SNX14: variants seen among roughly 807,000 people sequenced by gnomAD.
SNX14 encodes the protein sorting nexin-14.
Under a neutral mutation model 133.8 loss-of-function variants are expected in SNX14, and 93 were observed. That is an observed-to-expected ratio of 0.70 (90% CI 0.59 to 0.83). SNX14 has a LOEUF of 0.83. SNX14 is among the 40% of genes least tolerant of loss of function. The probability of loss-of-function intolerance (pLI) is 0.00; values close to 1 mark genes in which losing one functional copy is unlikely to be tolerated. For synonymous variants in SNX14, 368 were observed against 365.6 expected (o/e 1.01, Z -0.07); for missense variants, 945 against 1,094.9 (o/e 0.86, Z 1.93).
intron 7 of SNX14, among the ~76,000 whole-genome samples, chr6:85,551,975 T>C (rs1309008844): frequency 6.6e-6 from 1 of 152,090 alleles, no homozygotes; most frequent in Non-Finnish European, 1.5e-5. Context: ...CAAGTGATGC[T>C]TTTCCCTTTC....
intron 22 of SNX14, 52 bp downstream of exon 22, chr6:85,517,955 TA>T: frequency 1.3e-6 from 2 of 1,574,746 alleles, no homozygotes; most frequent in Non-Finnish European, 1.7e-6. Flanking sequence ...TATCAATATT[TA>T]AATATGTTTA....
chr6:85,553,982 A>G (rs1039856119), intron 7 of SNX14, among the ~76,000 whole-genome samples: 1 of 152,166 alleles, frequency 6.6e-6, no homozygotes, highest in Non-Finnish European at 1.5e-5. Flanking sequence ...TAAGAAATTA[A>G]AGGAAGCAGG....
At chr6:85,513,660 G>A (rs1202584642) in intron 26 of SNX14, 140 bp downstream of exon 26, 2 of 618,334 alleles carry the variant, frequency 3.2e-6, no homozygotes, top group African/African-American at 1.9e-5. Flanking sequence ...TTTAACTAGT[G>A]TGTTAATTTT....
chr6:85,540,997 T>C (rs919766917), intron 15 of SNX14, among the ~76,000 whole-genome samples: 1 of 133,890 alleles, frequency 7.5e-6, no homozygotes, highest in African/African-American at 3.1e-5. Flanking sequence ...GTTTCTTAAC[T>C]TTTTTTTTTT....
chr6:85,513,735 T>C, intron 26 of SNX14, 65 bp downstream of exon 26: 1 of 1,206,430 alleles, frequency 8.3e-7, no homozygotes. Context: ...CAATAATTAC[T>C]ATACATTGTG....
At chr6:85,562,741 G>A (rs1792140327) in intron 6 of SNX14, among the ~76,000 whole-genome samples, 1 of 151,504 alleles carries the variant, frequency 6.6e-6, no homozygotes, top group African/African-American at 2.4e-5. Context: ...AGGTGTGCAC[G>A]ATTACACCAG....
intron 22 of SNX14, 35 bp from the exon 23 acceptor site, chr6:85,517,910 T>A: frequency 6.3e-7 from 1 of 1,576,930 alleles, no homozygotes. Context: ...AAATAAAAAA[T>A]AAAGGTAATT....
chr6:85,571,181 G>A (rs1344755897), intron 4 of SNX14, among the ~76,000 whole-genome samples: 2 of 151,746 alleles, frequency 1.3e-5, no homozygotes, highest in Non-Finnish European at 2.9e-5. Flanking sequence ...GTGAAACCCC[G>A]TCTCTACTAA....
chr6:85,514,265 G>T, intron 24 of SNX14, 31 bp from the exon 25 acceptor site: 2 of 1,574,510 alleles, frequency 1.3e-6, no homozygotes, highest in South Asian at 2.4e-5. Context: ...ATACCTCATT[G>T]TTCCAGATGA....
Position 85,570,083 on chromosome 6 carries a change from A to AT in SNX14, c.417+2053dup, listed in dbSNP as rs1455613903. On this transcript the variant is annotated intron_variant, in intron 4 of 28. Transcript: ENST00000314673. ...CTCTATACTAATTCTATATACCTTA[A>AT]TTTTTTTCCATTATTGCCTGCATTA... 2.6e-5 allele frequency among the ~76,000 whole-genome samples: 4 copies of AT among 151,900 alleles called. No individual in the cohort carries two copies. In the East Asian group the frequency reaches 5.8e-4, roughly 22 times the overall value.
rs545195242 is a variant in SNX14 at position 85,584,351 on chromosome 6, C to T, written c.140+9228G>A. Among the ~76,000 whole-genome samples, 11 of 152,146 alleles carry T rather than the reference C, an allele frequency of 7.2e-5. No homozygotes were observed. The East Asian group carries it at 9.7e-4, about 13-fold the overall frequency. ...GACACAGGCATGGGCAAAGACTTCA[C>T]GACTAAAACACCAAAAGCAATGGCA... On this transcript the variant is annotated intron_variant, in intron 1 of 28. Coordinates refer to ENST00000314673, the MANE Select transcript of SNX14 (RefSeq NM_153816.6).
chr6:85,585,908 C>A (rs62443355), intron 1 of SNX14, among the ~76,000 whole-genome samples: 7,391 of 151,468 alleles, frequency 0.049, 261 homozygotes, highest in Non-Finnish European at 0.074. Context: ...GTGAAGCAAT[C>A]CTATCTTACA....
In SNX14 at chr6:85,592,714, G is replaced by T. The variant is rs143812936; in HGVS notation, c.140+865C>A. ...AAGAATATTATAGGGATGTGGCCGG[G>T]TGCGGTGGCTCACGCCTGTAATCCC... On this transcript the variant is annotated intron_variant, in intron 1 of 28. Coordinates refer to ENST00000314673, the MANE Select transcript of SNX14 (RefSeq NM_153816.6). Among the ~76,000 whole-genome samples, 483 of 152,210 alleles carry T rather than the reference G, an allele frequency of 3.2e-3. 4 individuals are homozygous for T. Among genetic ancestry groups the T allele is most frequent in the African/African-American group, 0.011 (455 of 41,536 alleles).
intron 26 of SNX14, among the ~76,000 whole-genome samples, chr6:85,511,125 T>A (rs772595180): frequency 2.5e-4 from 38 of 152,368 alleles, no homozygotes; most frequent in Non-Finnish European, 4.6e-4. Flanking sequence ...CATATAAATC[T>A]TGTGCATGTT....
intron 12 of SNX14, among the ~76,000 whole-genome samples, chr6:85,544,450 T>A (rs1057108167): frequency 7.2e-5 from 11 of 152,036 alleles, no homozygotes; most frequent in Admixed American, 2.0e-4. Flanking sequence ...TAACTGGAGT[T>A]GTTAAAGAAG....
intron 15 of SNX14, among the ~76,000 whole-genome samples, chr6:85,541,517 A>C (rs931532215): frequency 6.6e-6 from 1 of 152,174 alleles, no homozygotes; most frequent in Non-Finnish European, 1.5e-5. Context: ...CCAGTTTATA[A>C]ATGGATAAAG....
chr6:85,570,315 TC>T (rs1216142385), intron 4 of SNX14, among the ~76,000 whole-genome samples: 3 of 103,272 alleles, frequency 2.9e-5, no homozygotes, highest in South Asian at 6.5e-4. Context: ...TTTATACAAG[TC>T]CTTTCATTTT....
intron 23 of SNX14, among the ~76,000 whole-genome samples, chr6:85,517,126 A>T (rs1775300299): frequency 6.6e-6 from 1 of 152,244 alleles, no homozygotes; most frequent in South Asian, 2.1e-4. Flanking sequence ...ACTAATGTTA[A>T]GTCTAGCAAG....
intron 20 of SNX14, among the ~76,000 whole-genome samples, chr6:85,527,194 T>G (rs987557316): frequency 6.6e-6 from 1 of 152,168 alleles, no homozygotes; most frequent in Non-Finnish European, 1.5e-5. Flanking sequence ...TTAATTTAAA[T>G]CCATATTACA....
Sources: allele counts gnomAD v4.1 joint callset (sites outside exome capture counted in the v4.1 genomes callset), GRCh38; gene constraint gnomAD v4.1.1; transcripts MANE v1.5; gene names NCBI Gene and HGNC (gene_info 2026-07-23, HGNC 2026-07-21).